The following ALOX5AP variants were observed in gnomAD, a reference collection of about 807,000 sequenced individuals.
ALOX5AP encodes arachidonate 5-lipoxygenase activating protein.
A neutral mutation model predicts 18.5 loss-of-function variants in ALOX5AP; 9 were observed. The observed-to-expected ratio is 0.49, with a 90% CI of 0.29 to 0.85. ALOX5AP has a LOEUF of 0.85. ALOX5AP is among the 40% of genes least tolerant of loss of function. The pLI, the probability that ALOX5AP is intolerant of heterozygous loss-of-function variation, is 0.08. For missense variants in ALOX5AP, 172 were observed against 202.5 expected (o/e 0.85, Z 0.91); for synonymous variants, 81 against 78.6 (o/e 1.03, Z -0.16).
In ALOX5AP at chr13:30,718,752, G is replaced by T. The variant is rs564335331; in HGVS notation, c.116+4911G>T. On this transcript the variant is annotated intron_variant, in intron 1 of 5. Coordinates refer to the ALOX5AP transcript ENST00000617770. ...AGCCGGGATCAGGGTCGCCCTAGCT[G>T]CCCAATGCAGCTCCCAGGCCTCCTG... Among the ~76,000 whole-genome samples, 14 of 152,318 alleles carry T rather than the reference G, an allele frequency of 9.2e-5. 1 individual carries two copies. In the South Asian group the frequency reaches 2.9e-3, roughly 32 times the overall value.
At chr13:30,760,315 C>T (rs1951931169) in intron 4 of ALOX5AP, among the ~76,000 whole-genome samples, 2 of 151,932 alleles carry the variant, frequency 1.3e-5, no homozygotes, top group Middle Eastern at 3.4e-3. Flanking sequence ...GGGGTGGTCT[C>T]GAACTCCTGA....
upstream of ALOX5AP, among the ~76,000 whole-genome samples, chr13:30,734,365 C>T (rs1360591829): frequency 6.6e-6 from 1 of 152,214 alleles, no homozygotes; most frequent in Non-Finnish European, 1.5e-5. Context: ...CCTACACTGA[C>T]CTCTTCCGTG....
At chr13:30,761,791 C>T (rs950757575) in intron 4 of ALOX5AP, among the ~76,000 whole-genome samples, 3 of 152,154 alleles carry the variant, frequency 2.0e-5, no homozygotes, top group African/African-American at 7.2e-5. Flanking sequence ...CCAAATCTCC[C>T]CTTCTTATAA....
At chr13:30,729,576 A>ATT (rs10655622) in intron 1 of ALOX5AP, among the ~76,000 whole-genome samples, 80,547 of 137,432 alleles carry the variant, frequency 0.59, 26,245 homozygotes, top group Non-Finnish European at 0.73. Flanking sequence ...TCTAACCTGT[A>ATT]TTTTTTTTTT....
rs149251626 is a variant in ALOX5AP at position 30,739,969 on chromosome 13, C to A, written c.71-4091C>A. On this transcript the variant is annotated intron_variant, in intron 1 of 4. Transcript: ENST00000380490. ...CTGCAGCCCTATGCGTTTTACCCAG[C>A]AGTCCTGGTGCTGTTCCCTAAAATC... is the stretch of plus-strand genomic sequence containing the variant. Among the ~76,000 whole-genome samples, 527 of 152,350 alleles carry A rather than the reference C, an allele frequency of 3.5e-3. 4 individuals are homozygous for A. Among genetic ancestry groups the A allele is most frequent in the African/African-American group, 0.012 (496 of 41,580 alleles).
chr13:30,733,955 G>A (rs924617614), upstream of ALOX5AP, among the ~76,000 whole-genome samples: 4 of 152,096 alleles, frequency 2.6e-5, no homozygotes, highest in Non-Finnish European at 4.4e-5. Flanking sequence ...TTGCACCATT[G>A]CCCTCCTTGA....
intron 3 of ALOX5AP, among the ~76,000 whole-genome samples, chr13:30,752,468 G>A (rs997179942): frequency 2.0e-5 from 3 of 152,166 alleles, no homozygotes; most frequent in Middle Eastern, 3.2e-3. Flanking sequence ...TTTTGGGACC[G>A]CTGTCACTTG....
chr13:30,713,812 G>A (rs1951527378), exon 1 of ALOX5AP: 10 of 1,535,266 alleles, frequency 6.5e-6, no homozygotes, highest in African/African-American at 1.4e-5. Flanking sequence ...GCACCTTGGG[G>A]CACATTGGGA....
upstream of ALOX5AP, among the ~76,000 whole-genome samples, chr13:30,731,473 C>T (rs1235013622): frequency 6.6e-6 from 1 of 151,798 alleles, no homozygotes. Flanking sequence ...TCTACAGCCT[C>T]AAGCGATCCT....
chr13:30,747,480 A>G (rs1274196676), intron 2 of ALOX5AP, among the ~76,000 whole-genome samples: 6 of 152,168 alleles, frequency 3.9e-5, no homozygotes, highest in Non-Finnish European at 5.9e-5. Flanking sequence ...GCCTGTTCAC[A>G]TGTATAAAAC....
At chr13:30,718,540 G>T (rs1332520229) in intron 1 of ALOX5AP, among the ~76,000 whole-genome samples, 1 of 151,886 alleles carries the variant, frequency 6.6e-6, no homozygotes, top group Non-Finnish European at 1.5e-5. Flanking sequence ...CCTTTGGAAT[G>T]CTCACACCAT....
At chr13:30,749,904 C>T (rs1310546757) in intron 2 of ALOX5AP, among the ~76,000 whole-genome samples, 1 of 152,164 alleles carries the variant, frequency 6.6e-6, no homozygotes, top group East Asian at 1.9e-4. Flanking sequence ...GAAGGGCTGG[C>T]CATTCCCAAG....
At chr13:30,729,487 G>T (rs1257529851) in intron 1 of ALOX5AP, among the ~76,000 whole-genome samples, 1 of 152,020 alleles carries the variant, frequency 6.6e-6, no homozygotes, top group Non-Finnish European at 1.5e-5. Context: ...CCCAAGGCAG[G>T]CCATGCCCAT....
At chr13:30,724,337 G>A in intron 1 of ALOX5AP, among the ~76,000 whole-genome samples, 1 of 152,108 alleles carries the variant, frequency 6.6e-6, no homozygotes, top group Admixed American at 6.5e-5. Flanking sequence ...TCCATTTACT[G>A]CCTGATGGGC....
chr13:30,739,498 A>C (rs903592447), intron 1 of ALOX5AP, among the ~76,000 whole-genome samples: 67 of 152,318 alleles, frequency 4.4e-4, no homozygotes, highest in Admixed American at 2.6e-4. Context: ...GCAGTAGCGC[A>C]ATCTCAGCTG....
At chr13:30,734,876 T>C (rs1214910552), upstream of ALOX5AP, among the ~76,000 whole-genome samples, 6 of 152,224 alleles carry the variant, frequency 3.9e-5, no homozygotes, top group African/African-American at 1.2e-4. Context: ...CATTCAAACC[T>C]TATGTGGCTG....
At chr13:30,754,043 C>T (rs1283190786) in intron 3 of ALOX5AP, among the ~76,000 whole-genome samples, 2 of 152,178 alleles carry the variant, frequency 1.3e-5, no homozygotes, top group African/African-American at 4.8e-5. Flanking sequence ...AGTTCGACAA[C>T]AGCCTGACCA....
intron 2 of ALOX5AP, among the ~76,000 whole-genome samples, chr13:30,747,261 C>T (rs1374689343): frequency 1.3e-5 from 2 of 152,218 alleles, no homozygotes; most frequent in African/African-American, 2.4e-5. Context: ...ACTGCAACCT[C>T]GGCCTCCCAG....
chr13:30,744,628 C>T (rs777107097), intron 2 of ALOX5AP, among the ~76,000 whole-genome samples: 1 of 152,146 alleles, frequency 6.6e-6, no homozygotes, highest in Non-Finnish European at 1.5e-5. Flanking sequence ...AACACGGGGG[C>T]TCCTTGAGCA....
Sources: allele counts gnomAD v4.1 joint callset (sites outside exome capture counted in the v4.1 genomes callset), GRCh38; gene constraint gnomAD v4.1.1; transcripts MANE v1.5; gene names NCBI Gene and HGNC (gene_info 2026-07-23, HGNC 2026-07-21).